Variants in SLCO3A1 observed in about 807,000 individuals in gnomAD.
The protein encoded by SLCO3A1 is PGE1 transporter.
A neutral mutation model predicts 63.1 loss-of-function variants in SLCO3A1; 27 were observed. The ratio of observed to expected loss-of-function variants is 0.43; its 90% CI spans 0.32 to 0.59. SLCO3A1 has a LOEUF of 0.59. Ranked by LOEUF, SLCO3A1 falls within the 20% of genes least tolerant of loss-of-function variation. The pLI, the probability that SLCO3A1 is intolerant of heterozygous loss-of-function variation, is 0.09. For missense variants in SLCO3A1, 773 were observed against 945.8 expected (o/e 0.82, Z 2.40); for synonymous variants, 473 against 409.9 (o/e 1.15, Z -1.86).
rs763363758 is a variant in SLCO3A1, at chr15:92,126,279, G to T, written c.1373+20G>T. On this transcript the variant is annotated intron_variant, in intron 6 of 9. Transcript: ENST00000318445. The stretch of plus-strand genomic sequence containing the variant: ...AAACAGGTGAGTACTGGCAGTGTCT[G>T]CCGCCTTCCTGCCTGTTCAGGGACC... 2 of 1,606,856 alleles carry T rather than the reference G, an allele frequency of 1.2e-6. No homozygotes were observed. Among genetic ancestry groups the T allele is most frequent in the Non-Finnish European group, 1.7e-6 (2 of 1,173,636 alleles).
At chr15:91,861,246 C>T (rs1201043469) in intron 1 of SLCO3A1, among the ~76,000 whole-genome samples, 1 of 152,192 alleles carries the variant, frequency 6.6e-6, no homozygotes, top group Non-Finnish European at 1.5e-5. Flanking sequence ...TGTGCAGCCA[C>T]AGGTGTGGAG....
chr15:91,928,904 A>C (rs1049340124), intron 2 of SLCO3A1, among the ~76,000 whole-genome samples: 3 of 152,200 alleles, frequency 2.0e-5, no homozygotes, highest in African/African-American at 7.2e-5. Flanking sequence ...GCACTTATGC[A>C]ACTTGGACTT....
rs552262869 is a variant in SLCO3A1, at chr15:92,157,432, C to G, written c.1754-5324C>G. Among the ~76,000 whole-genome samples the G allele has an allele frequency of 3.6e-4, 55 of 152,218 alleles. 1 individual carries two copies. The highest frequency in any genetic ancestry group is 1.0e-3 in the African/African-American group (43 of 41,512). On this transcript the variant is annotated intron_variant, in intron 9 of 9. Coordinates refer to ENST00000318445, the MANE Select transcript of SLCO3A1 (RefSeq NM_013272.4). Reference sequence around the variant, plus strand: ...ACACTAAAGTACACCTGGCCCCCCCCCTTGTCCTCCCTTCTGGACACACCT... The same window carrying G: ...ACACTAAAGTACACCTGGCCCCCCCGCTTGTCCTCCCTTCTGGACACACCT...
At chr15:92,150,061 C>G (rs771362577) in intron 8 of SLCO3A1, among the ~76,000 whole-genome samples, 1 of 152,116 alleles carries the variant, frequency 6.6e-6, no homozygotes, top group Admixed American at 6.5e-5. Context: ...GCCAGAGTCA[C>G]GTCCCCATCG....
chr15:92,048,747 A>G (rs1567089021), intron 2 of SLCO3A1, among the ~76,000 whole-genome samples: 1 of 152,108 alleles, frequency 6.6e-6, no homozygotes, highest in Non-Finnish European at 1.5e-5. Flanking sequence ...AAAAATACAA[A>G]AATTAGCCAG....
chr15:91,980,127 T>G (rs985405121), intron 2 of SLCO3A1, among the ~76,000 whole-genome samples: 3 of 152,168 alleles, frequency 2.0e-5, no homozygotes, highest in Non-Finnish European at 4.4e-5. Flanking sequence ...CCTGACTGCA[T>G]TGTTAACAAG....
intron 2 of SLCO3A1, among the ~76,000 whole-genome samples, chr15:91,978,212 C>T (rs192399495): frequency 2.6e-5 from 4 of 152,284 alleles, no homozygotes; most frequent in African/African-American, 4.8e-5. Flanking sequence ...GTCTTTTCCC[C>T]CCTGTAAATG....
chr15:91,870,882 T>C (rs199761575), intron 1 of SLCO3A1, among the ~76,000 whole-genome samples: 78 of 147,576 alleles, frequency 5.3e-4, no homozygotes, highest in African/African-American at 7.0e-4. Context: ...CTTTTTTTTT[T>C]CCCTTTTTTA....
At chr15:91,892,527 G>T (rs1348853531) in intron 1 of SLCO3A1, among the ~76,000 whole-genome samples, 1 of 152,136 alleles carries the variant, frequency 6.6e-6, no homozygotes, top group Non-Finnish European at 1.5e-5. Context: ...GTATTTTCCT[G>T]ACCTGCATTT....
At chr15:92,170,356 G>A (rs565090821), downstream of SLCO3A1, among the ~76,000 whole-genome samples, 23 of 152,250 alleles carry the variant, frequency 1.5e-4, no homozygotes, top group African/African-American at 4.8e-4. Context: ...CCCACGTGCC[G>A]GGTTCTGTGA....
chr15:91,914,572 T>A (rs1898591523), intron 1 of SLCO3A1, among the ~76,000 whole-genome samples: 2 of 149,144 alleles, frequency 1.3e-5, no homozygotes, highest in African/African-American at 5.0e-5. Flanking sequence ...TCTTCCTTTT[T>A]TTTTTTTTTT....
At chr15:91,899,534 C>T (rs1898098489) in intron 1 of SLCO3A1, among the ~76,000 whole-genome samples, 5 of 152,158 alleles carry the variant, frequency 3.3e-5, no homozygotes, top group Admixed American at 3.3e-4. Context: ...CCCAGTTCTG[C>T]CCTATTTTTT....
intron 4 of SLCO3A1, among the ~76,000 whole-genome samples, chr15:92,105,099 T>C (rs957335474): frequency 4.2e-4 from 64 of 152,010 alleles, no homozygotes; most frequent in Admixed American, 1.2e-3. Context: ...AAACCCCATA[T>C]CTGCTAAAAT....
chr15:91,893,276 G>A (rs1159130386), intron 1 of SLCO3A1, among the ~76,000 whole-genome samples: 1 of 152,354 alleles, frequency 6.6e-6, no homozygotes, highest in East Asian at 1.9e-4. Flanking sequence ...CCCTGTTCCA[G>A]TGGGCTCAGA....
chr15:92,145,351 G>A (rs1410381215), intron 7 of SLCO3A1, among the ~76,000 whole-genome samples: 1 of 152,180 alleles, frequency 6.6e-6, no homozygotes, highest in Non-Finnish European at 1.5e-5. Flanking sequence ...TGAAAGTTGG[G>A]GAGAAGTCTT....
At chr15:91,878,613 A>G (rs1897465662) in intron 1 of SLCO3A1, among the ~76,000 whole-genome samples, 1 of 152,186 alleles carries the variant, frequency 6.6e-6, no homozygotes, top group South Asian at 2.1e-4. Flanking sequence ...ACAGATCAGC[A>G]TTCCTACCAC....
At chr15:91,857,320 A>G (rs1305308134) in intron 1 of SLCO3A1, among the ~76,000 whole-genome samples, 1 of 152,144 alleles carries the variant, frequency 6.6e-6, no homozygotes, top group African/African-American at 2.4e-5. Flanking sequence ...AACCTGGGCC[A>G]ACTGTGGATT....
chr15:91,893,446 C>T (rs1215857544), intron 1 of SLCO3A1, among the ~76,000 whole-genome samples: 1 of 152,140 alleles, frequency 6.6e-6, no homozygotes, highest in East Asian at 1.9e-4. Flanking sequence ...CTGGTAAGGG[C>T]CTGCTTTCTG....
intron 1 of SLCO3A1, among the ~76,000 whole-genome samples, chr15:91,867,118 G>T (rs1001905079): frequency 6.6e-6 from 1 of 152,232 alleles, no homozygotes. Flanking sequence ...TGCCACTCCA[G>T]TTAGCAGCGC....
Sources: gnomAD v4.1 joint callset for allele counts (sites outside exome capture counted in the v4.1 genomes callset) on GRCh38, gnomAD v4.1.1 for gene constraint, MANE v1.5 for transcripts, NCBI Gene and HGNC (gene_info 2026-07-23, HGNC 2026-07-21) for gene names.